SPMIP11: variants seen among roughly 807,000 people sequenced by gnomAD.
SPMIP11 encodes long intergenic non-protein coding RNA 935.
chr12:48,769,786 G>A, the SPMIP11 span, among the ~76,000 whole-genome samples: 1 of 142,534 alleles, frequency 7.0e-6, no homozygotes, highest in African/African-American at 2.6e-5. Context: ...GGGGGGGACA[G>A]AGTCTCGCTC....
the SPMIP11 span, chr12:48,727,543 C>G: frequency 2.8e-6 from 2 of 702,900 alleles, no homozygotes; most frequent in Non-Finnish European, 5.2e-6. Flanking sequence ...AGAAAAGGAA[C>G]ACAACTGAAG....
At chr12:48,770,992 G>T in the SPMIP11 span, 99 of 1,608,040 alleles carry the variant, frequency 6.2e-5, no homozygotes, top group Admixed American at 1.6e-3. Flanking sequence ...AAGGAGACCT[G>T]GCTGTCAAGG....
At chr12:48,765,726 A>C in the SPMIP11 span, 3 of 700,304 alleles carry the variant, frequency 4.3e-6, no homozygotes, top group Non-Finnish European at 7.8e-6. Context: ...GAGGTTTCCC[A>C]GTTCCGATGG....
At chr12:48,753,950 G>T in the SPMIP11 span, among the ~76,000 whole-genome samples, 1 of 151,928 alleles carries the variant, frequency 6.6e-6, no homozygotes, top group African/African-American at 2.4e-5. Context: ...TGATCCACCC[G>T]CCTCAGCCTC....
the SPMIP11 span, among the ~76,000 whole-genome samples, chr12:48,747,704 C>A: frequency 6.6e-6 from 1 of 152,220 alleles, no homozygotes; most frequent in Non-Finnish European, 1.5e-5. Flanking sequence ...TCAACCATAT[C>A]ATTCAATCTT....
chr12:48,741,715 C>T, the SPMIP11 span, among the ~76,000 whole-genome samples: 1 of 151,228 alleles, frequency 6.6e-6, no homozygotes, highest in Non-Finnish European at 1.5e-5. Context: ...ACAATCACAG[C>T]TTACTGCCTT....
chr12:48,757,477 C>T, the SPMIP11 span, among the ~76,000 whole-genome samples: 1 of 151,048 alleles, frequency 6.6e-6, no homozygotes, highest in Non-Finnish European at 1.5e-5. Context: ...GAAATCCTGT[C>T]TCTACTAAAA....
chr12:48,765,806 G>A, the SPMIP11 span: 28 of 629,560 alleles, frequency 4.4e-5, no homozygotes, highest in African/African-American at 1.8e-4. Flanking sequence ...TTGTGTGCAC[G>A]GGGGGAGCTG....
chr12:48,738,555 G>A, the SPMIP11 span, among the ~76,000 whole-genome samples: 3 of 146,304 alleles, frequency 2.1e-5, no homozygotes, highest in South Asian at 2.2e-4. Flanking sequence ...TTTTTTTTGA[G>A]ATGGAGTCTC....
the SPMIP11 span, among the ~76,000 whole-genome samples, chr12:48,731,202 A>G: frequency 6.6e-6 from 1 of 151,666 alleles, no homozygotes; most frequent in East Asian, 2.0e-4. Context: ...TTCATAAAGA[A>G]TTACTCACGG....
the SPMIP11 span, among the ~76,000 whole-genome samples, chr12:48,753,962 C>T: frequency 2.7e-3 from 415 of 152,242 alleles, 2 homozygotes; most frequent in African/African-American, 9.0e-3. Context: ...CTCAGCCTCC[C>T]AAAGTGCTGG....
At chr12:48,752,151 C>A in the SPMIP11 span, among the ~76,000 whole-genome samples, 1 of 151,632 alleles carries the variant, frequency 6.6e-6, no homozygotes, top group Non-Finnish European at 1.5e-5. Flanking sequence ...AGACCTAGCA[C>A]ATAAAACTTT....
At chr12:48,746,233 A>G in the SPMIP11 span, among the ~76,000 whole-genome samples, 1 of 152,212 alleles carries the variant, frequency 6.6e-6, no homozygotes. Context: ...TTTTTTAAAA[A>G]AAATTTAGAC....
chr12:48,744,340 A>C, the SPMIP11 span, among the ~76,000 whole-genome samples: 11 of 151,868 alleles, frequency 7.2e-5, no homozygotes, highest in Admixed American at 5.9e-4. Context: ...CAGGAGGTAG[A>C]GATTGCAGTG....
chr12:48,758,311 A>G, the SPMIP11 span, among the ~76,000 whole-genome samples: 1 of 152,240 alleles, frequency 6.6e-6, no homozygotes, highest in African/African-American at 2.4e-5. Context: ...GGTCTGGCAC[A>G]GACACTACTA....
At chr12:48,765,594 C>G in the SPMIP11 span, 10 of 702,860 alleles carry the variant, frequency 1.4e-5, no homozygotes, top group Admixed American at 2.0e-4. Flanking sequence ...CTCTCTGAAT[C>G]TCTTCTTTCC....
chr12:48,760,615 C>T, the SPMIP11 span, among the ~76,000 whole-genome samples: 1 of 152,184 alleles, frequency 6.6e-6, no homozygotes, highest in Non-Finnish European at 1.5e-5. Context: ...CAACCTCCGC[C>T]TCCCTTGTTC....
At chr12:48,746,405 T>G in the SPMIP11 span, among the ~76,000 whole-genome samples, 4 of 149,152 alleles carry the variant, frequency 2.7e-5, no homozygotes, top group African/African-American at 9.9e-5. Flanking sequence ...CTCGCTCTGT[T>G]GCCCAGGCTG....
At chr12:48,763,666 T>G in the SPMIP11 span, among the ~76,000 whole-genome samples, 7 of 150,536 alleles carry the variant, frequency 4.7e-5, no homozygotes, top group Non-Finnish European at 1.0e-4. Context: ...CTTATCCAAA[T>G]AAATAGTAAA....
Sources: gnomAD v4.1 joint callset for allele counts (sites outside exome capture counted in the v4.1 genomes callset) on GRCh38, gnomAD v4.1.1 for gene constraint, MANE v1.5 for transcripts, NCBI Gene and HGNC (gene_info 2026-07-23, HGNC 2026-07-21) for gene names.